The following PRDM2 variants were observed in gnomAD, a reference collection of about 807,000 sequenced individuals.
The protein encoded by PRDM2 is PR domain zinc finger protein 2.
A neutral mutation model predicts 130.0 loss-of-function variants in PRDM2; 30 were observed. That is an observed-to-expected ratio of 0.23 (90% CI 0.17 to 0.31). The LOEUF is 0.31. Ranked by LOEUF, PRDM2 falls within the 10% of genes least tolerant of loss-of-function variation. PRDM2 has a pLI of 1.00. For missense variants in PRDM2, 2,011 were observed against 2,108.4 expected, an observed-to-expected ratio of 0.95 and a Z score of 0.90; for synonymous variants, 871 against 782.4, an observed-to-expected ratio of 1.11 and a Z score of -1.89.
chr1:13,820,711 T>C (rs893738513), intron 9 of PRDM2, among the ~76,000 whole-genome samples: 16 of 152,018 alleles, frequency 1.1e-4, no homozygotes, highest in African/African-American at 3.9e-4. Flanking sequence ...CTCCCTTGTA[T>C]GAGAGCTCCC....
At chr1:13,783,291 T>C in intron 8 of PRDM2, 1 of 388,978 alleles carries the variant, frequency 2.6e-6, no homozygotes, top group South Asian at 1.9e-5. Flanking sequence ...ATCTAGTACC[T>C]GACACTTTCT....
intron 8 of PRDM2, among the ~76,000 whole-genome samples, chr1:13,805,371 CTTCT>C (rs1158046069): frequency 1.3e-5 from 2 of 152,112 alleles, no homozygotes; most frequent in African/African-American, 4.8e-5. Context: ...TCCTGCCCTG[CTTCT>C]TTCTTCTCTG....
intron 8 of PRDM2, among the ~76,000 whole-genome samples, chr1:13,804,781 C>T (rs2100740662): frequency 6.6e-6 from 1 of 152,304 alleles, no homozygotes; most frequent in African/African-American, 2.4e-5. Context: ...TTGCAGTGAA[C>T]ACCCGAGTTT....
At chr1:13,749,551 C>A in intron 6 of PRDM2, 64 bp downstream of exon 6, 1 of 1,083,972 alleles carries the variant, frequency 9.2e-7, no homozygotes. Flanking sequence ...GCCGCCCTGC[C>A]GCCCTCGCTG....
intron 8 of PRDM2, among the ~76,000 whole-genome samples, chr1:13,786,083 C>G (rs758895397): frequency 2.0e-4 from 31 of 151,980 alleles, no homozygotes; most frequent in Non-Finnish European, 3.4e-4. Flanking sequence ...TATGATCCGC[C>G]CGTCTCGGCC....
At chr1:13,790,305 A>G (rs1474529351) in intron 8 of PRDM2, among the ~76,000 whole-genome samples, 1 of 152,194 alleles carries the variant, frequency 6.6e-6, no homozygotes, top group African/African-American at 2.4e-5. Flanking sequence ...CCTTATAATT[A>G]TCCTGCAAAG....
At chr1:13,707,089 C>A (rs1390507701) in intron 1 of PRDM2, among the ~76,000 whole-genome samples, 1 of 152,112 alleles carries the variant, frequency 6.6e-6, no homozygotes, top group Non-Finnish European at 1.5e-5. Context: ...ATTATGACTT[C>A]CAGTTTTGCT....
At chr1:13,773,832 G>T (rs964333086) in intron 7 of PRDM2, among the ~76,000 whole-genome samples, 1 of 152,164 alleles carries the variant, frequency 6.6e-6, no homozygotes, top group African/African-American at 2.4e-5. Flanking sequence ...TGGGGTGCTC[G>T]CTGTTTTCTA....
At chr1:13,748,720 A>G (rs1439770042) in intron 5 of PRDM2, among the ~76,000 whole-genome samples, 1 of 152,184 alleles carries the variant, frequency 6.6e-6, no homozygotes, top group Non-Finnish European at 1.5e-5. Context: ...AGCATAATAC[A>G]TGGGAGATAC....
intron 6 of PRDM2, among the ~76,000 whole-genome samples, chr1:13,762,175 G>A (rs750415448): frequency 5.9e-5 from 9 of 152,186 alleles, no homozygotes; most frequent in Non-Finnish European, 7.3e-5. Flanking sequence ...ACTTCTCTTT[G>A]ACAACAGTAT....
chr1:13,756,124 G>C (rs939023064), intron 6 of PRDM2, among the ~76,000 whole-genome samples: 4 of 151,536 alleles, frequency 2.6e-5, no homozygotes, highest in Admixed American at 2.0e-4. Context: ...TTAGCTGGGC[G>C]TGGTGGCGGG....
intron 2 of PRDM2, among the ~76,000 whole-genome samples, chr1:13,728,405 T>C (rs1642994880): frequency 6.6e-6 from 1 of 152,212 alleles, no homozygotes; most frequent in Non-Finnish European, 1.5e-5. Context: ...GTCCAGCCCA[T>C]GAATCTACCT....
In PRDM2 at chr1:13,807,731, G is replaced by A. The variant is rs142843305; in HGVS notation, c.5037-8696G>A. Among the ~76,000 whole-genome samples, 156 of 152,330 alleles carry A rather than the reference G, an allele frequency of 1.0e-3. 1 individual carries two copies. The highest frequency in any genetic ancestry group is 3.7e-3 in the African/African-American group (152 of 41,564). ...ATGCATCCTTGAGGCCAGGAACAGA[G>A]CAGATGTTCTATTTCTAGACATGTT... On this transcript the variant is annotated intron_variant, in intron 8 of 9. Coordinates refer to ENST00000311066, the MANE Select transcript of PRDM2 (RefSeq NM_001393986.1).
intron 8 of PRDM2, among the ~76,000 whole-genome samples, chr1:13,791,131 G>T (rs1644832263): frequency 6.6e-6 from 1 of 151,650 alleles, no homozygotes; most frequent in African/African-American, 2.4e-5. Context: ...TTTTTTAAGG[G>T]ATTTTATTTC....
At chr1:13,749,057 G>C (rs1382623408) in intron 5 of PRDM2, among the ~76,000 whole-genome samples, 3 of 152,126 alleles carry the variant, frequency 2.0e-5, no homozygotes, top group Non-Finnish European at 4.4e-5. Flanking sequence ...TTTTTCTCGT[G>C]CGTGGGCCGT....
chr1:13,704,343 A>T (rs535159930), intron 1 of PRDM2, among the ~76,000 whole-genome samples: 1 of 151,846 alleles, frequency 6.6e-6, no homozygotes, highest in African/African-American at 2.4e-5. Flanking sequence ...TTGGAATGAA[A>T]TATGCTTACA....
chr1:13,757,432 C>G (rs188723925), intron 6 of PRDM2, among the ~76,000 whole-genome samples: 2 of 152,142 alleles, frequency 1.3e-5, no homozygotes, highest in South Asian at 2.1e-4. Context: ...TGCAGAGGAT[C>G]GAGTTTAGGA....
At chr1:13,756,436 C>G (rs1643955685) in intron 6 of PRDM2, among the ~76,000 whole-genome samples, 1 of 152,164 alleles carries the variant, frequency 6.6e-6, no homozygotes, top group Non-Finnish European at 1.5e-5. Flanking sequence ...TTATATTTCA[C>G]ATGCTGCCAA....
At chr1:13,813,763 G>C (rs965107093) in intron 8 of PRDM2, among the ~76,000 whole-genome samples, 1 of 152,166 alleles carries the variant, frequency 6.6e-6, no homozygotes, top group South Asian at 2.1e-4. Flanking sequence ...CGACCTACTC[G>C]TTCCACCCAG....
Sources: gnomAD v4.1 joint callset for allele counts (sites outside exome capture counted in the v4.1 genomes callset) on GRCh38, gnomAD v4.1.1 for gene constraint, MANE v1.5 for transcripts, NCBI Gene and HGNC (gene_info 2026-07-23, HGNC 2026-07-21) for gene names.